The following ADGRL3 variants were observed in gnomAD, a reference collection of about 807,000 sequenced individuals.
The protein encoded by ADGRL3 is calcium-independent alpha-latrotoxin receptor 3.
Under a neutral mutation model 153.5 loss-of-function variants are expected in ADGRL3, and 62 were observed. The ratio of observed to expected loss-of-function variants is 0.40; its 90% CI spans 0.33 to 0.50. The LOEUF is 0.50. ADGRL3 is among the 20% of genes least tolerant of loss of function. The pLI, the probability that ADGRL3 is intolerant of heterozygous loss-of-function variation, is 0.47. For synonymous variants in ADGRL3, 710 were observed against 672.5 expected (o/e 1.06, Z -0.86); for missense variants, 1,641 against 1,859.4 (o/e 0.88, Z 2.16).
intron 17 of ADGRL3, among the ~76,000 whole-genome samples, chr4:61,967,011 A>T (rs934509486): frequency 6.6e-6 from 1 of 152,184 alleles, no homozygotes; most frequent in African/African-American, 2.4e-5. Flanking sequence ...AGCCAATGGG[A>T]AATAGCACTG....
intron 9 of ADGRL3, among the ~76,000 whole-genome samples, chr4:61,828,681 C>T (rs1476233185): frequency 1.3e-5 from 2 of 152,140 alleles, no homozygotes; most frequent in East Asian, 3.9e-4. Flanking sequence ...TAATGGAGTA[C>T]TTCATTTTGT....
intron 5 of ADGRL3, among the ~76,000 whole-genome samples, chr4:61,618,509 A>T (rs140717150): frequency 1.2e-4 from 18 of 152,258 alleles, no homozygotes; most frequent in African/African-American, 4.1e-4. Context: ...TGATGGATCA[A>T]GTGTCCACAC....
At chr4:61,695,231 G>A (rs1445437323) in intron 6 of ADGRL3, among the ~76,000 whole-genome samples, 2 of 151,982 alleles carry the variant, frequency 1.3e-5, no homozygotes, top group East Asian at 3.9e-4. Flanking sequence ...ACTGTTTTTG[G>A]CATCTATAGC....
intron 2 of ADGRL3, among the ~76,000 whole-genome samples, chr4:61,477,771 TTATCTC>T (rs2098083376): frequency 6.6e-6 from 1 of 152,138 alleles, no homozygotes; most frequent in African/African-American, 2.4e-5. Flanking sequence ...TGATATGTCT[TTATCTC>T]TATTATTTTT....
rs182249053 is a variant in ADGRL3 at position 61,918,058 on chromosome 4, G to A, written c.2112+5301G>A. 7.9e-4 allele frequency among the ~76,000 whole-genome samples: 121 copies of A among 152,300 alleles called. 1 individual carries two copies. Among genetic ancestry groups the A allele is most frequent in the Middle Eastern group, 6.8e-3 (2 of 294 alleles). On this transcript the variant is annotated intron_variant, in intron 13 of 26. Transcript: ENST00000683033. ...GCCAACAGCAAGAAAAGTAAGGGCC[G>A]AAGCTGGGTTACCATTTGGGTAATG...
In ADGRL3 at chr4:62,074,593, A is replaced by G. The variant is rs1157479540; in HGVS notation, c.*3685A>G. ...GTTGAATAATAAATTACTGTGCTAA[A>G]ATAATTGTAATAACAAAAATGAACT... On this transcript the variant is annotated 3_prime_UTR_variant, in exon 27 of 27. Transcript: ENST00000683033. The G allele has an allele frequency of 2.0e-5, 3 of 152,178 alleles. No individual in the cohort carries two copies. Among genetic ancestry groups the G allele is most frequent in the Non-Finnish European group, 4.4e-5 (3 of 68,014 alleles). 9.4% of individuals were successfully genotyped at this position (152,178 alleles called of 1,614,324 possible). A position where few individuals can be genotyped will look rare whatever the true frequency, so the allele number is the denominator to read the frequency against.
chr4:61,756,161 C>T (rs905290387), intron 8 of ADGRL3, among the ~76,000 whole-genome samples: 26 of 152,120 alleles, frequency 1.7e-4, no homozygotes, highest in African/African-American at 3.1e-4. Context: ...TGGAGAAAGT[C>T]GTTGGTAGAT....
intron 25 of ADGRL3, among the ~76,000 whole-genome samples, chr4:62,045,642 T>C (rs10222956): frequency 0.026 from 3,980 of 152,036 alleles, 183 homozygotes; most frequent in African/African-American, 0.092. Flanking sequence ...ACGGGCAGTG[T>C]CAAAATTGAA....
At chr4:61,805,796 G>A (rs2097547092) in intron 8 of ADGRL3, among the ~76,000 whole-genome samples, 2 of 152,074 alleles carry the variant, frequency 1.3e-5, no homozygotes, top group South Asian at 4.1e-4. Context: ...TTTACATAGG[G>A]ATATTGGGTT....
intron 25 of ADGRL3, among the ~76,000 whole-genome samples, chr4:62,049,932 G>A (rs1304407861): frequency 1.3e-5 from 2 of 151,942 alleles, no homozygotes; most frequent in East Asian, 3.9e-4. Flanking sequence ...CTTACAGCAG[G>A]GCCTGGAACG....
intron 1 of ADGRL3, among the ~76,000 whole-genome samples, chr4:61,329,070 CTAAATTGAG>C (rs1359406010): frequency 6.6e-6 from 1 of 152,108 alleles, no homozygotes; most frequent in African/African-American, 2.4e-5. Flanking sequence ...ACAAAAAGAG[CTAAATTGAG>C]CAGACATGAA....
At position 61,567,430 on chromosome 4, in the gene ADGRL3, T is replaced by G. The variant is rs535091408; in HGVS notation, c.260-19797T>G. On this transcript the variant is annotated intron_variant, in intron 4 of 26. Transcript: ENST00000683033. Reference sequence around the variant, plus strand: ...TGATAAGATCACGAAGGCAGAGCCCTGATAAGTTGGATTAGTGTCCTTATA... The same window carrying G: ...TGATAAGATCACGAAGGCAGAGCCCGGATAAGTTGGATTAGTGTCCTTATA... Among the ~76,000 whole-genome samples the G allele has an allele frequency of 9.2e-5, 14 of 152,300 alleles. No individual in the cohort carries two copies. In the East Asian group the frequency reaches 2.7e-3, roughly 29 times the overall value.
chr4:62,019,721 G>T (rs1451360747), intron 21 of ADGRL3, among the ~76,000 whole-genome samples: 2 of 152,222 alleles, frequency 1.3e-5, no homozygotes, highest in South Asian at 2.1e-4. Context: ...TTGTGCAGTA[G>T]ATGTGCAGTG....
intron 9 of ADGRL3, among the ~76,000 whole-genome samples, chr4:61,855,036 G>A (rs2098247102): frequency 6.6e-6 from 1 of 152,168 alleles, no homozygotes; most frequent in African/African-American, 2.4e-5. Flanking sequence ...AAGAAGATAT[G>A]ACAACTGAAT....
chr4:61,586,699 T>G (rs1447838872), intron 4 of ADGRL3, among the ~76,000 whole-genome samples: 3 of 152,068 alleles, frequency 2.0e-5, no homozygotes, highest in Non-Finnish European at 4.4e-5. Context: ...TGAATCTCCA[T>G]TTTCTTAAAT....
intron 1 of ADGRL3, among the ~76,000 whole-genome samples, chr4:61,264,317 G>A (rs1560400955): frequency 6.6e-6 from 1 of 151,952 alleles, no homozygotes; most frequent in Non-Finnish European, 1.5e-5. Context: ...AGGTCCAGCT[G>A]TGTTAATTAA....
rs554565554 is a variant in ADGRL3, at chr4:61,514,376, C to T, written c.56-2939C>T. 5.9e-4 allele frequency among the ~76,000 whole-genome samples: 90 copies of T among 152,202 alleles called. 1 individual carries two copies. Among genetic ancestry groups the T allele is most frequent in the Non-Finnish European group, 1.0e-3 (70 of 68,006 alleles). On this transcript the variant is annotated intron_variant, in intron 3 of 26. Coordinates refer to ENST00000683033, the MANE Select transcript of ADGRL3 (RefSeq NM_001387552.1). ...CGTGTTTCTAATGGAATACCAGACA[C>T]CAGATTTATAAGTGTGCTGTTTATC...
At chr4:61,705,779 C>T (rs1210042136) in intron 6 of ADGRL3, among the ~76,000 whole-genome samples, 1 of 152,130 alleles carries the variant, frequency 6.6e-6, no homozygotes, top group Non-Finnish European at 1.5e-5. Flanking sequence ...GCTAAGATTA[C>T]AGGCATGAAC....
chr4:61,909,747 T>C lies in ADGRL3; in HGVS notation c.2073+2T>C. 1.3e-6 allele frequency: 2 copies of C among 1,532,746 alleles called. No homozygotes were observed. The highest frequency in any genetic ancestry group is 8.8e-7 in the Non-Finnish European group (1 of 1,138,158). The allele number at this position is 1,532,746 out of a possible 1,614,324, so 94.9% of individuals were successfully genotyped here. ...AGTGCTGCCCGGAGTTTGAACAAGGTAAGGACCCTAATTATGTGTGTGTGT... is the reference window on the plus strand; with the variant it reads ...AGTGCTGCCCGGAGTTTGAACAAGGCAAGGACCCTAATTATGTGTGTGTGT... On this transcript the variant is annotated splice_donor_variant, in intron 12 of 26. Transcript: ENST00000683033. LOFTEE classifies it high-confidence loss of function.
Sources: allele counts gnomAD v4.1 joint callset (sites outside exome capture counted in the v4.1 genomes callset), GRCh38; gene constraint gnomAD v4.1.1; transcripts MANE v1.5; gene names NCBI Gene and HGNC (gene_info 2026-07-23, HGNC 2026-07-21).